Variants in HEMK2 observed in about 807,000 individuals in gnomAD.
HEMK2 encodes the protein methyltransferase HEMK2.
At chr21:28,696,361 C>G in the HEMK2 span, among the ~76,000 whole-genome samples, 1 of 152,164 alleles carries the variant, frequency 6.6e-6, no homozygotes, top group Non-Finnish European at 1.5e-5. Context: ...ACAGGCCCCA[C>G]GTAAGTCTAA....
the HEMK2 span, among the ~76,000 whole-genome samples, chr21:28,665,799 C>A: frequency 0.01 from 1,527 of 151,952 alleles, 30 homozygotes; most frequent in African/African-American, 0.035. Context: ...ATGTTTATTG[C>A]GGCACTATTC....
At chr21:28,726,595 CATAGT>C in the HEMK2 span, among the ~76,000 whole-genome samples, 1 of 152,100 alleles carries the variant, frequency 6.6e-6, no homozygotes, top group Non-Finnish European at 1.5e-5. Context: ...CTAAACATAG[CATAGT>C]AGTCTACCGT....
At chr21:28,839,690 A>G in the HEMK2 span, among the ~76,000 whole-genome samples, 1 of 152,188 alleles carries the variant, frequency 6.6e-6, no homozygotes, top group Non-Finnish European at 1.5e-5. Context: ...AAGGAAAACT[A>G]TAAAACACTG....
the HEMK2 span, among the ~76,000 whole-genome samples, chr21:28,847,958 C>T: frequency 1.3e-5 from 2 of 152,332 alleles, no homozygotes; most frequent in Admixed American, 6.5e-5. Flanking sequence ...TCTGGGTTCT[C>T]TAACCTGTTC....
chr21:28,857,300 TAG>T, the HEMK2 span, among the ~76,000 whole-genome samples: 21,161 of 152,102 alleles, frequency 0.14, 1,878 homozygotes, highest in East Asian at 0.49. Flanking sequence ...CTTAAAATTG[TAG>T]AGGTTTTCCT....
the HEMK2 span, among the ~76,000 whole-genome samples, chr21:28,781,627 A>G: frequency 6.6e-6 from 1 of 152,244 alleles, no homozygotes; most frequent in Non-Finnish European, 1.5e-5. Context: ...TTGTCCTCTC[A>G]CAGTGAATTT....
chr21:28,593,675 C>T, the HEMK2 span, among the ~76,000 whole-genome samples: 26 of 152,096 alleles, frequency 1.7e-4, 1 homozygote, highest in South Asian at 5.0e-3. Context: ...AGGAGCTAAG[C>T]GAAAAAGCTC....
chr21:28,648,265 C>A, the HEMK2 span, among the ~76,000 whole-genome samples: 2 of 152,188 alleles, frequency 1.3e-5, no homozygotes, highest in African/African-American at 4.8e-5. Flanking sequence ...AAGCATTTGA[C>A]CCACTTTCCA....
At chr21:28,761,542 C>T in the HEMK2 span, among the ~76,000 whole-genome samples, 1 of 151,588 alleles carries the variant, frequency 6.6e-6, no homozygotes, top group Non-Finnish European at 1.5e-5. Context: ...TGTCACATAA[C>T]TCAGACTGAG....
At chr21:28,775,142 G>A in the HEMK2 span, among the ~76,000 whole-genome samples, 1 of 152,168 alleles carries the variant, frequency 6.6e-6, no homozygotes, top group African/African-American at 2.4e-5. Context: ...ATAATCTTAT[G>A]CCACCCTCTT....
the HEMK2 span, among the ~76,000 whole-genome samples, chr21:28,633,293 G>A: frequency 6.6e-6 from 1 of 152,130 alleles, no homozygotes; most frequent in Non-Finnish European, 1.5e-5. Flanking sequence ...AATGAACAAA[G>A]CTGTCTCTCC....
the HEMK2 span, among the ~76,000 whole-genome samples, chr21:28,781,952 T>A: frequency 6.6e-6 from 1 of 152,256 alleles, no homozygotes; most frequent in African/African-American, 2.4e-5. Context: ...GTAAGGGTCA[T>A]CCTTTCTTTG....
At chr21:28,779,224 T>A in the HEMK2 span, among the ~76,000 whole-genome samples, 5 of 152,188 alleles carry the variant, frequency 3.3e-5, no homozygotes, top group African/African-American at 1.2e-4. Flanking sequence ...TGTTCATCAA[T>A]GGATGGATGG....
the HEMK2 span, among the ~76,000 whole-genome samples, chr21:28,585,800 T>C: frequency 2.0e-5 from 3 of 152,136 alleles, no homozygotes; most frequent in Non-Finnish European, 4.4e-5. Context: ...TTAAAAAAGA[T>C]AACGGCTAAA....
chr21:28,793,819 C>G, the HEMK2 span, among the ~76,000 whole-genome samples: 2 of 152,102 alleles, frequency 1.3e-5, no homozygotes, highest in Non-Finnish European at 2.9e-5. Context: ...GAGAAGGAGT[C>G]AAAGGCCATA....
the HEMK2 span, among the ~76,000 whole-genome samples, chr21:28,606,554 T>A: frequency 3.3e-5 from 5 of 151,922 alleles, no homozygotes; most frequent in Non-Finnish European, 7.4e-5. Context: ...TTAAAAAAAA[T>A]GGGAAAAAAC....
the HEMK2 span, among the ~76,000 whole-genome samples, chr21:28,866,175 A>AAAAAAAAAC: frequency 0.074 from 5,580 of 75,910 alleles, 1,895 homozygotes; most frequent in Middle Eastern, 0.11. Flanking sequence ...CAAAAAAAAA[A>AAAAAAAAAC]ACACACACAC....
At chr21:28,870,717 T>C in the HEMK2 span, among the ~76,000 whole-genome samples, 1 of 152,220 alleles carries the variant, frequency 6.6e-6, no homozygotes, top group East Asian at 1.9e-4. Flanking sequence ...TTCCTTGACA[T>C]ATGAATTGTT....
the HEMK2 span, among the ~76,000 whole-genome samples, chr21:28,584,321 T>C: frequency 6.6e-6 from 1 of 152,206 alleles, no homozygotes; most frequent in East Asian, 1.9e-4. Context: ...TTGTAAAGAT[T>C]TTATTTACAA....
Sources: gnomAD v4.1 joint callset for allele counts (sites outside exome capture counted in the v4.1 genomes callset) on GRCh38, gnomAD v4.1.1 for gene constraint, MANE v1.5 for transcripts, NCBI Gene and HGNC (gene_info 2026-07-23, HGNC 2026-07-21) for gene names.